Variants in AOAH observed in about 807,000 individuals in gnomAD.
The protein encoded by AOAH is acyloxyacyl hydrolase.
In AOAH, 64 loss-of-function variants were observed where a neutral mutation model predicts 92.2. The ratio of observed to expected loss-of-function variants is 0.69; its 90% confidence interval spans 0.57 to 0.86. The LOEUF (loss-of-function observed/expected upper bound fraction) is 0.86. Ranked by LOEUF, AOAH falls within the 40% of genes least tolerant of loss-of-function variation. The probability of loss-of-function intolerance (pLI) is 0.00; values close to 1 mark genes in which losing one functional copy is unlikely to be tolerated. For synonymous variants in AOAH, 263 were observed against 254.5 expected (o/e 1.03, Z -0.32); for missense variants, 656 against 694.6 (o/e 0.94, Z 0.62).
rs76082987 is a variant in AOAH, at chr7:36,691,557, C to G, written c.128-4763G>C. ...AGGAAAAGGAAGGCTACCTAAGGTGCTCTGGTATAGTAGAGAGTAGAAGAA... is the reference window on the plus strand; with the variant it reads ...AGGAAAAGGAAGGCTACCTAAGGTGGTCTGGTATAGTAGAGAGTAGAAGAA... On this transcript the variant is annotated intron_variant, in intron 1 of 20. Coordinates refer to ENST00000617537, the MANE Select transcript of AOAH (RefSeq NM_001637.4). Among the ~76,000 whole-genome samples the G allele has an allele frequency of 4.3e-3, 660 of 152,228 alleles. 10 individuals carry two copies. The East Asian group carries it at 0.057, about 13-fold the overall frequency.
chr7:36,601,965 G>A (rs1162152317), intron 11 of AOAH, among the ~76,000 whole-genome samples: 2 of 152,156 alleles, frequency 1.3e-5, no homozygotes, highest in African/African-American at 4.8e-5. Flanking sequence ...CCCAAATTTA[G>A]TGACTTAAAA....
At chr7:36,688,153 C>G (rs941400461) in intron 1 of AOAH, among the ~76,000 whole-genome samples, 1 of 152,086 alleles carries the variant, frequency 6.6e-6, no homozygotes, top group East Asian at 1.9e-4. Flanking sequence ...GCATGGCACT[C>G]GAGGATTTCA....
chr7:36,642,389 A>G (rs1204324068), intron 4 of AOAH, among the ~76,000 whole-genome samples: 1 of 152,078 alleles, frequency 6.6e-6, no homozygotes, highest in African/African-American at 2.4e-5. Flanking sequence ...AAATGTCAAA[A>G]ATTCCCAGCA....
intron 1 of AOAH, among the ~76,000 whole-genome samples, chr7:36,707,294 A>G (rs1409644294): frequency 1.3e-5 from 2 of 152,150 alleles, no homozygotes; most frequent in Non-Finnish European, 2.9e-5. Flanking sequence ...TTGGTGGAAC[A>G]GTCAGAACAC....
intron 1 of AOAH, 146 bp from the exon 2 acceptor site, chr7:36,686,940 G>A (rs914323382): frequency 2.2e-6 from 1 of 452,406 alleles, no homozygotes; most frequent in Non-Finnish European, 3.9e-6. Context: ...AAGTGATGAT[G>A]TTTAAATGAG....
At chr7:36,544,000 T>G (rs1466926681) in intron 15 of AOAH, among the ~76,000 whole-genome samples, 1 of 140,246 alleles carries the variant, frequency 7.1e-6, no homozygotes, top group Non-Finnish European at 1.5e-5. Context: ...CAGGCTGGAG[T>G]GCAGTGGTGC....
rs148015239 is a variant in AOAH, at chr7:36,647,533, G to C, written c.391-9623C>G. On this transcript the variant is annotated intron_variant, in intron 4 of 20. Transcript: ENST00000617537. ...AAATGTTCATATCTCAAATATCATAGAAATACCTTCCTTGGAATAATTTGA... is the reference window on the plus strand; with the variant it reads ...AAATGTTCATATCTCAAATATCATACAAATACCTTCCTTGGAATAATTTGA... 1.6e-4 allele frequency among the ~76,000 whole-genome samples: 24 copies of C among 152,278 alleles called. No homozygotes were observed. The South Asian group carries it at 1.9e-3, about 12-fold the overall frequency.
chr7:36,696,105 T>C (rs995384218), intron 1 of AOAH, among the ~76,000 whole-genome samples: 2 of 152,202 alleles, frequency 1.3e-5, no homozygotes, highest in Non-Finnish European at 1.5e-5. Flanking sequence ...AATGTACCAG[T>C]TTATTTCTGG....
chr7:36,569,955 T>A (rs1024217500), intron 13 of AOAH, among the ~76,000 whole-genome samples: 3 of 152,156 alleles, frequency 2.0e-5, no homozygotes, highest in Non-Finnish European at 4.4e-5. Flanking sequence ...TATTTGTTTT[T>A]CTTCTACTCT....
At chr7:36,681,299 A>G (rs1796627204) in intron 2 of AOAH, among the ~76,000 whole-genome samples, 1 of 152,244 alleles carries the variant, frequency 6.6e-6, no homozygotes, top group Non-Finnish European at 1.5e-5. Flanking sequence ...AGAGGAATAA[A>G]CAAATAAAAT....
At chr7:36,596,327 A>G (rs879543242) in intron 11 of AOAH, among the ~76,000 whole-genome samples, 1 of 152,212 alleles carries the variant, frequency 6.6e-6, no homozygotes, top group Non-Finnish European at 1.5e-5. Flanking sequence ...GAGAATGAGC[A>G]CTCAAAATAA....
At chr7:36,567,893 A>G (rs752080561) in intron 13 of AOAH, among the ~76,000 whole-genome samples, 4 of 152,240 alleles carry the variant, frequency 2.6e-5, no homozygotes, top group Admixed American at 6.5e-5. Context: ...TCTGCTAGAC[A>G]CTGTAGGGGA....
Position 36,724,115 on chromosome 7 carries a change from G to C in AOAH, c.34C>G (p.Pro12Ala). 1 of 1,613,592 alleles carries C rather than the reference G, an allele frequency of 6.2e-7. No individual in the cohort carries two copies. ...QSPWKILTVA[P>A]LFLLLSLQSS... ...TGAAGAGACAGGAGCAAGAATAGAG[G>C]CGCCACCGTAAGGATTTTCCAGGGG... Residue 12 changes from proline to alanine, a missense_variant, in exon 1 of 21, where the codon CCT becomes GCT. By Grantham distance (27) the Pro-to-Ala change is conservative. Coordinates refer to ENST00000617537, the MANE Select transcript of AOAH (RefSeq NM_001637.4).
At chr7:36,538,876 G>T (rs886322485) in intron 16 of AOAH, among the ~76,000 whole-genome samples, 1 of 152,210 alleles carries the variant, frequency 6.6e-6, no homozygotes, top group Non-Finnish European at 1.5e-5. Flanking sequence ...TGATACATGA[G>T]TAACTCAAGA....
At chr7:36,564,518 G>T (rs1787537530) in intron 13 of AOAH, among the ~76,000 whole-genome samples, 1 of 152,206 alleles carries the variant, frequency 6.6e-6, no homozygotes, top group Admixed American at 6.5e-5. Context: ...AGAGGTAAAA[G>T]CCTCATCCCA....
At chr7:36,634,453 AT>A (rs1315783855) in intron 5 of AOAH, among the ~76,000 whole-genome samples, 1 of 152,118 alleles carries the variant, frequency 6.6e-6, no homozygotes, top group Non-Finnish European at 1.5e-5. Context: ...TGCTTGCTCA[AT>A]CAATCACGAC....
chr7:36,555,316 T>C (rs1786620488), intron 13 of AOAH, among the ~76,000 whole-genome samples: 2 of 152,252 alleles, frequency 1.3e-5, no homozygotes, highest in Non-Finnish European at 2.9e-5. Context: ...GAACCAGCCT[T>C]GCATCCCAGG....
chr7:36,675,009 C>T lies in AOAH; in HGVS notation c.224-1000G>A, dbSNP rs183480555. 1.1e-3 allele frequency among the ~76,000 whole-genome samples: 164 copies of T among 152,356 alleles called. 1 individual carries two copies. The highest frequency in any genetic ancestry group is 3.8e-3 in the African/African-American group (156 of 41,580). ...GCGGCTCACGCCTGTAATCCCAGCA[C>T]TTTGGGAGGGCAAGGCGGGTAGATC... On this transcript the variant is annotated intron_variant, in intron 2 of 20. Coordinates refer to ENST00000617537, the MANE Select transcript of AOAH (RefSeq NM_001637.4).
At chr7:36,713,260 T>G (rs1170874805) in intron 1 of AOAH, among the ~76,000 whole-genome samples, 2 of 152,178 alleles carry the variant, frequency 1.3e-5, no homozygotes, top group Non-Finnish European at 2.9e-5. Flanking sequence ...AAGGGATCAA[T>G]TCAACAAGAA....
Sources: allele counts gnomAD v4.1 joint callset (sites outside exome capture counted in the v4.1 genomes callset), GRCh38; gene constraint gnomAD v4.1.1; transcripts MANE v1.5; gene names NCBI Gene and HGNC (gene_info 2026-07-23, HGNC 2026-07-21).